DAB1: variants seen among roughly 807,000 people sequenced by gnomAD.
The protein encoded by DAB1 is disabled homolog 1.
DAB1 carries 15 observed loss-of-function variants against 64.6 expected under a neutral mutation model. That is an observed-to-expected ratio of 0.23 (90% CI 0.16 to 0.36). The LOEUF is 0.36. Ranked by LOEUF, DAB1 falls within the 10% of genes least tolerant of loss-of-function variation. The pLI is 1.00. For synonymous variants in DAB1, 235 were observed against 251.9 expected, an observed-to-expected ratio of 0.93 and a Z score of 0.64; for missense variants, 596 against 706.7, an observed-to-expected ratio of 0.84 and a Z score of 1.78.
At chr1:58,176,705 C>T (rs753708765) in intron 4 of DAB1, among the ~76,000 whole-genome samples, 3 of 152,128 alleles carry the variant, frequency 2.0e-5, no homozygotes, top group East Asian at 3.9e-4. Flanking sequence ...TCCAGCCGGG[C>T]GCGGTGGCTC....
chr1:58,408,338 C>T (rs759035354), intron 3 of DAB1, among the ~76,000 whole-genome samples: 12 of 152,212 alleles, frequency 7.9e-5, no homozygotes, highest in Non-Finnish European at 1.6e-4. Context: ...CACAGGCCTT[C>T]CCTGAACATT....
rs145426966 is a variant in DAB1 at position 57,941,114 on chromosome 1, C to A, written n.388-56952G>T. Among the ~76,000 whole-genome samples, 428 of 152,314 alleles carry A rather than the reference C, an allele frequency of 2.8e-3. 3 individuals carry two copies. The highest frequency in any genetic ancestry group is 9.8e-3 in the African/African-American group (408 of 41,572). ...TAGGACTCTTAGGCATGATATAGGA[C>A]AGTGACCCCTCAACATCCCAGGATT... On this transcript the variant is annotated intron_variant and non_coding_transcript_variant, in intron 5 of 20. Transcript: ENST00000485760.
chr1:58,174,959 G>A (rs756071869), intron 4 of DAB1, among the ~76,000 whole-genome samples: 16 of 152,180 alleles, frequency 1.1e-4, no homozygotes, highest in African/African-American at 1.7e-4. Flanking sequence ...GACTGTAAAC[G>A]CACCAATCAG....
chr1:58,372,950 G>A (rs1644280806), intron 3 of DAB1, among the ~76,000 whole-genome samples: 1 of 151,846 alleles, frequency 6.6e-6, no homozygotes, highest in African/African-American at 2.4e-5. Context: ...CATCTCTATA[G>A]CAATGTGAAA....
intron 3 of DAB1, among the ~76,000 whole-genome samples, chr1:58,355,303 T>C (rs1644099394): frequency 6.6e-6 from 1 of 152,214 alleles, no homozygotes; most frequent in Non-Finnish European, 1.5e-5. Context: ...TTGCATGCAA[T>C]GGCAAATGTG....
chr1:57,921,850 T>A (rs962243221), intron 5 of DAB1, among the ~76,000 whole-genome samples: 1 of 152,166 alleles, frequency 6.6e-6, no homozygotes, highest in African/African-American at 2.4e-5. Context: ...AGGACCCCAA[T>A]GGCTGTGGCC....
chr1:58,457,366 G>A (rs907218330), intron 3 of DAB1, among the ~76,000 whole-genome samples: 1 of 152,100 alleles, frequency 6.6e-6, no homozygotes, highest in Non-Finnish European at 1.5e-5. Context: ...ATTTCGGGGA[G>A]GTAGTGAGAA....
intron 1 of DAB1, among the ~76,000 whole-genome samples, chr1:57,342,636 G>A (rs953844008): frequency 3.9e-5 from 6 of 152,322 alleles, no homozygotes; most frequent in Non-Finnish European, 7.3e-5. Context: ...GAATGAAGAC[G>A]CGGACCCTGG....
intron 3 of DAB1, among the ~76,000 whole-genome samples, chr1:58,360,923 C>T (rs978886792): frequency 6.6e-6 from 1 of 152,050 alleles, no homozygotes; most frequent in East Asian, 1.9e-4. Flanking sequence ...AAATAAATTG[C>T]TTTGTAATCA....
chr1:58,345,357 C>T (rs12404503), intron 3 of DAB1, among the ~76,000 whole-genome samples: 20,795 of 152,144 alleles, frequency 0.14, 1,671 homozygotes, highest in South Asian at 0.26. Flanking sequence ...ATACTGAGAG[C>T]CACACAAGGA....
intron 4 of DAB1, among the ~76,000 whole-genome samples, chr1:58,189,226 AAAGCAGGAAAGGAT>A (rs1418326772): frequency 6.6e-6 from 1 of 152,242 alleles, no homozygotes; most frequent in African/African-American, 2.4e-5. Flanking sequence ...AATGTTACTG[AAAGCAGGAAAGGAT>A]GTTTTTATTC....
intron 7 of DAB1, among the ~76,000 whole-genome samples, chr1:57,454,968 A>G (rs1436835943): frequency 6.6e-6 from 1 of 152,154 alleles, no homozygotes; most frequent in Non-Finnish European, 1.5e-5. Flanking sequence ...AGATACATGA[A>G]AAAAACAGTA....
At chr1:57,399,157 C>A (rs1025035554) in intron 1 of DAB1, among the ~76,000 whole-genome samples, 1 of 152,122 alleles carries the variant, frequency 6.6e-6, no homozygotes, top group African/African-American at 2.4e-5. Flanking sequence ...GCCAGCCACA[C>A]AGAACCAAAA....
At chr1:57,138,898 T>A (rs973871419) in intron 3 of DAB1, among the ~76,000 whole-genome samples, 20 of 152,202 alleles carry the variant, frequency 1.3e-4, no homozygotes, top group African/African-American at 4.8e-4. Flanking sequence ...AAAAGTTCAG[T>A]TGTGCATGGA....
At position 58,463,510 on chromosome 1, in the gene DAB1, A is replaced by T. The variant is rs1055898464; in HGVS notation, n.257+42550T>A. Among the ~76,000 whole-genome samples the T allele has an allele frequency of 2.0e-5, 3 of 152,188 alleles. No homozygotes were observed. The South Asian group carries it at 6.2e-4, about 31-fold the overall frequency. On this transcript the variant is annotated intron_variant and non_coding_transcript_variant, in intron 3 of 20. Coordinates refer to the DAB1 transcript ENST00000485760. ...CTTGCATGGCAGTGTGTAAATCTTC[A>T]TGTTCAAGGCATATGGTGTTTGCAT...
chr1:57,085,092 A>C (rs1652940448), intron 4 of DAB1, among the ~76,000 whole-genome samples: 2 of 152,200 alleles, frequency 1.3e-5, no homozygotes, highest in Non-Finnish European at 2.9e-5. Context: ...GCAGATTAAT[A>C]AATTCTTACC....
Position 57,071,586 on chromosome 1 carries a change from T to C in DAB1, c.494A>G (p.Lys165Arg), listed in dbSNP as rs900506485. The C allele has an allele frequency of 1.2e-6, 2 of 1,613,900 alleles. No homozygotes were observed. The highest frequency in any genetic ancestry group is 1.7e-6 in the Non-Finnish European group (2 of 1,179,894). Residue 165 changes from lysine (K) to arginine (R), a missense_variant, in exon 6 of 15, where the codon AAG becomes AGG. Transcript: ENST00000371236. The part of the protein sequence containing the change: ...RDLFQLIYEL[K>R]QREELEKKAQ... The stretch of plus-strand genomic sequence containing the variant: ...CTTTTTTTCTAATTCTTCTCTTTGC[T>C]TCAATTCATAAATGAGTTGAAAGAG...
At chr1:57,776,380 C>A (rs1181808382) in intron 6 of DAB1, among the ~76,000 whole-genome samples, 1 of 151,690 alleles carries the variant, frequency 6.6e-6, no homozygotes, top group African/African-American at 2.4e-5. Context: ...TGCTTTTAAT[C>A]CATGTTTTGC....
chr1:57,080,046 TTACTG>T (rs535724227), intron 4 of DAB1, among the ~76,000 whole-genome samples: 23 of 152,232 alleles, frequency 1.5e-4, no homozygotes, highest in Non-Finnish European at 3.1e-4. Context: ...ATCTATGATT[TTACTG>T]TTATAGTAAA....
Sources: gnomAD v4.1 joint callset for allele counts (sites outside exome capture counted in the v4.1 genomes callset) on GRCh38, gnomAD v4.1.1 for gene constraint, MANE v1.5 for transcripts, NCBI Gene and HGNC (gene_info 2026-07-23, HGNC 2026-07-21) for gene names.